The following ERC2 variants were observed in gnomAD, a reference collection of about 807,000 sequenced individuals.
The protein encoded by ERC2 is ERC protein 2.
In ERC2, 42 loss-of-function variants were observed where a neutral mutation model predicts 114.8. The ratio of observed to expected loss-of-function variants is 0.37; its 90% CI spans 0.29 to 0.47. The LOEUF (loss-of-function observed/expected upper bound fraction) is 0.47, where lower values mean the gene tolerates loss of function less well. ERC2 is among the 20% of genes least tolerant of loss of function. The pLI is 0.99. For missense variants in ERC2, 939 were observed against 1,150.7 expected, an observed-to-expected ratio of 0.82 and a Z score of 2.66; for synonymous variants, 454 against 425.5, an observed-to-expected ratio of 1.07 and a Z score of -0.82.
At chr3:55,796,080 G>C (rs919856880) in intron 14 of ERC2, among the ~76,000 whole-genome samples, 1 of 152,244 alleles carries the variant, frequency 6.6e-6, no homozygotes, top group African/African-American at 2.4e-5. Context: ...TGGTGGTTGA[G>C]GGGGGAGGGT....
chr3:55,786,513 A>G (rs1241416890), intron 14 of ERC2, among the ~76,000 whole-genome samples: 1 of 152,224 alleles, frequency 6.6e-6, no homozygotes, highest in African/African-American at 2.4e-5. Context: ...TTGTATCTAC[A>G]GTGTTGTGAC....
chr3:56,223,777 A>G (rs542126842), intron 3 of ERC2, among the ~76,000 whole-genome samples: 19 of 152,240 alleles, frequency 1.2e-4, no homozygotes, highest in Non-Finnish European at 2.8e-4. Context: ...CTGAGTGACT[A>G]TTTCTATGCT....
At chr3:56,249,899 C>T (rs2150229792) in intron 3 of ERC2, among the ~76,000 whole-genome samples, 1 of 146,460 alleles carries the variant, frequency 6.8e-6, no homozygotes, top group African/African-American at 2.5e-5. Context: ...ACTCTGTCAC[C>T]CAGGCTGGAG....
intron 13 of ERC2, among the ~76,000 whole-genome samples, chr3:55,906,183 A>AGTG (rs1473620272): frequency 1.3e-5 from 1 of 78,528 alleles, no homozygotes; most frequent in Non-Finnish European, 2.7e-5. Flanking sequence ...TTGTCAAAGT[A>AGTG]GTGGCAGGGG....
At chr3:56,402,103 A>G (rs2060541582) in intron 2 of ERC2, among the ~76,000 whole-genome samples, 1 of 152,184 alleles carries the variant, frequency 6.6e-6, no homozygotes, top group Non-Finnish European at 1.5e-5. Flanking sequence ...CCATGATTCA[A>G]TTATCTTCAC....
chr3:55,716,631 C>A (rs1358383486), intron 15 of ERC2, among the ~76,000 whole-genome samples: 1 of 152,168 alleles, frequency 6.6e-6, no homozygotes, highest in Non-Finnish European at 1.5e-5. Context: ...CCTTTTATAG[C>A]CCTTGAAATT....
At chr3:55,594,158 T>C (rs2058030697) in intron 17 of ERC2, among the ~76,000 whole-genome samples, 1 of 152,152 alleles carries the variant, frequency 6.6e-6, no homozygotes, top group African/African-American at 2.4e-5. Flanking sequence ...AGTTCCTTAC[T>C]TATATATGCA....
At chr3:55,691,579 T>A (rs868292123) in intron 16 of ERC2, among the ~76,000 whole-genome samples, 96 of 111,494 alleles carry the variant, frequency 8.6e-4, no homozygotes, top group African/African-American at 3.3e-3. Flanking sequence ...AAAAAATATA[T>A]ATATATATAT....
intron 14 of ERC2, among the ~76,000 whole-genome samples, chr3:55,808,711 A>ATG (rs2059588432): frequency 1.1e-5 from 1 of 87,728 alleles, no homozygotes; most frequent in African/African-American, 5.2e-5. Context: ...TTATATATAT[A>ATG]TATATATATA....
chr3:55,902,150 A>G (rs955723214), intron 13 of ERC2, among the ~76,000 whole-genome samples: 17 of 152,210 alleles, frequency 1.1e-4, no homozygotes, highest in African/African-American at 3.6e-4. Flanking sequence ...AAGCTTCATC[A>G]TCCTCCAACT....
intron 3 of ERC2, among the ~76,000 whole-genome samples, chr3:56,257,432 G>C (rs535480936): frequency 3.3e-5 from 5 of 152,284 alleles, no homozygotes; most frequent in Admixed American, 2.0e-4. Context: ...TTTAACTTAC[G>C]TCAAACCAAA....
chr3:55,604,729 A>G (rs1277317502), intron 17 of ERC2, among the ~76,000 whole-genome samples: 1 of 152,204 alleles, frequency 6.6e-6, no homozygotes, highest in Non-Finnish European at 1.5e-5. Flanking sequence ...ACATTTTGTA[A>G]AGATCACTCT....
chr3:56,224,960 G>T (rs1275369962), intron 3 of ERC2, among the ~76,000 whole-genome samples: 1 of 151,976 alleles, frequency 6.6e-6, no homozygotes, highest in African/African-American at 2.4e-5. Flanking sequence ...TCTTTTCTTG[G>T]CCTCTGATAA....
At chr3:55,927,452 T>C (rs1309355702) in intron 13 of ERC2, among the ~76,000 whole-genome samples, 4 of 152,216 alleles carry the variant, frequency 2.6e-5, no homozygotes, top group African/African-American at 9.6e-5. Context: ...TTTTACATTT[T>C]TATTTTCAAT....
chr3:55,822,439 T>C (rs1163669318), intron 14 of ERC2, among the ~76,000 whole-genome samples: 10 of 152,218 alleles, frequency 6.6e-5, no homozygotes, highest in Non-Finnish European at 1.5e-4. Context: ...TTTTATTATG[T>C]ACAGCAATGA....
chr3:55,753,658 C>T (rs939015381), intron 14 of ERC2, among the ~76,000 whole-genome samples: 3 of 152,206 alleles, frequency 2.0e-5, no homozygotes, highest in African/African-American at 7.2e-5. Context: ...ATGGGAATTT[C>T]ACTGGGGCAA....
rs188356420 is a variant in ERC2, at chr3:56,236,117, A to C, written c.1074+59902T>G. Among the ~76,000 whole-genome samples, 64 of 152,284 alleles carry C rather than the reference A, an allele frequency of 4.2e-4. 1 individual carries two copies. The highest frequency in any genetic ancestry group is 6.2e-4 in the Non-Finnish European group (42 of 68,016). On this transcript the variant is annotated intron_variant, in intron 3 of 17. Transcript: ENST00000288221. ...TATTCAGGCAACAAAAACAATGTAC[A>C]AGGGAACTTACAGTGGAAATTTTGC...
At chr3:56,269,904 A>G (rs182447909) in intron 3 of ERC2, among the ~76,000 whole-genome samples, 10 of 152,104 alleles carry the variant, frequency 6.6e-5, no homozygotes, top group African/African-American at 2.4e-4. Context: ...ATAGTCTTAT[A>G]AAAAAAAGCT....
intron 2 of ERC2, among the ~76,000 whole-genome samples, chr3:56,319,540 T>C (rs1186419417): frequency 2.0e-5 from 3 of 152,166 alleles, no homozygotes; most frequent in African/African-American, 7.2e-5. Flanking sequence ...GGGTAAATTC[T>C]AGAGCTCTGC....
Sources: gnomAD v4.1 joint callset for allele counts (sites outside exome capture counted in the v4.1 genomes callset) on GRCh38, gnomAD v4.1.1 for gene constraint, MANE v1.5 for transcripts, NCBI Gene and HGNC (gene_info 2026-07-23, HGNC 2026-07-21) for gene names.